The following SYT6 variants were observed in gnomAD, a reference collection of about 807,000 sequenced individuals.
SYT6 encodes synaptotagmin-6.
In SYT6, 24 loss-of-function variants were observed where a neutral mutation model predicts 38.4. The ratio of observed to expected loss-of-function variants is 0.62; its 90% CI spans 0.45 to 0.88. The LOEUF (loss-of-function observed/expected upper bound fraction) is 0.88, where lower values mean the gene tolerates loss of function less well. Among genes scored for constraint, SYT6 ranks in the 40% least tolerant of loss-of-function variants. The pLI, the probability that SYT6 is intolerant of heterozygous loss-of-function variation, is 0.00. For synonymous variants in SYT6, 265 were observed against 241.9 expected (o/e 1.10, Z -0.89); for missense variants, 611 against 621.0 (o/e 0.98, Z 0.17).
At chr1:114,110,837 C>G (rs56367671) in intron 3 of SYT6, among the ~76,000 whole-genome samples, 15,212 of 152,248 alleles carry the variant, frequency 0.1, 871 homozygotes, top group South Asian at 0.21. Context: ...CAGATCCTTG[C>G]AGTTTTCTAA....
At chr1:114,130,798 T>C (rs1678097767) in intron 3 of SYT6, among the ~76,000 whole-genome samples, 1 of 152,316 alleles carries the variant, frequency 6.6e-6, no homozygotes, top group East Asian at 1.9e-4. Context: ...AGATTCAATA[T>C]GCTTACCTCT....
intron 5 of SYT6, among the ~76,000 whole-genome samples, chr1:114,098,358 G>T (rs965429413): frequency 2.6e-5 from 4 of 152,238 alleles, no homozygotes; most frequent in African/African-American, 4.8e-5. Context: ...TGGGCTGAAA[G>T]TCCTGTATTG....
At chr1:114,139,387 A>G (rs1678709285) in intron 2 of SYT6, among the ~76,000 whole-genome samples, 1 of 151,970 alleles carries the variant, frequency 6.6e-6, no homozygotes, top group South Asian at 2.1e-4. Flanking sequence ...CCAAGTGCAA[A>G]CCACATATAC....
chr1:114,122,816 C>CT (rs1424573816), intron 3 of SYT6, among the ~76,000 whole-genome samples: 1 of 152,134 alleles, frequency 6.6e-6, no homozygotes, highest in Non-Finnish European at 1.5e-5. Flanking sequence ...CCCCTGGCCT[C>CT]TTTTTCTCCA....
intron 6 of SYT6, among the ~76,000 whole-genome samples, chr1:114,095,907 A>T (rs1675609757): frequency 6.6e-6 from 1 of 151,668 alleles, no homozygotes; most frequent in Admixed American, 6.6e-5. Context: ...TGATCCATCC[A>T]CCTCGGCCTC....
intron 6 of SYT6, among the ~76,000 whole-genome samples, chr1:114,095,504 C>T (rs1461955429): frequency 2.0e-5 from 3 of 152,264 alleles, no homozygotes; most frequent in South Asian, 4.1e-4. Context: ...TGGGTTATTG[C>T]GGATTGAAGA....
At chr1:114,128,025 G>T (rs567505285) in intron 3 of SYT6, among the ~76,000 whole-genome samples, 5 of 152,190 alleles carry the variant, frequency 3.3e-5, no homozygotes, top group Non-Finnish European at 7.4e-5. Flanking sequence ...GGCCACTGCT[G>T]GGCTCACTTG....
intron 3 of SYT6, among the ~76,000 whole-genome samples, chr1:114,115,605 C>T (rs534132843): frequency 2.6e-5 from 4 of 151,924 alleles, no homozygotes; most frequent in African/African-American, 9.7e-5. Flanking sequence ...TTGGTAGAGA[C>T]GGGGTTTTAT....
At chr1:114,093,126 T>C (rs191226960) in intron 7 of SYT6, among the ~76,000 whole-genome samples, 5 of 152,254 alleles carry the variant, frequency 3.3e-5, no homozygotes, top group African/African-American at 4.8e-5. Context: ...GCTGCTACTA[T>C]GCATCATGCA....
At chr1:114,133,710 C>G (rs143035313) in intron 3 of SYT6, among the ~76,000 whole-genome samples, 1 of 152,334 alleles carries the variant, frequency 6.6e-6, no homozygotes, top group South Asian at 2.1e-4. Context: ...ATGCAATGCA[C>G]GAGGCCTCCG....
chr1:114,114,768 T>C (rs1230175794), intron 3 of SYT6, among the ~76,000 whole-genome samples: 1 of 152,244 alleles, frequency 6.6e-6, no homozygotes, highest in Non-Finnish European at 1.5e-5. Context: ...TTAGAATCTC[T>C]GTGACATGGA....
At chr1:114,134,715 G>A (rs1415592857) in intron 3 of SYT6, among the ~76,000 whole-genome samples, 1 of 152,194 alleles carries the variant, frequency 6.6e-6, no homozygotes, top group Non-Finnish European at 1.5e-5. Context: ...AGGCAGAAAT[G>A]TCAGGTGTTT....
intron 6 of SYT6, among the ~76,000 whole-genome samples, chr1:114,095,362 T>C (rs1396964966): frequency 6.6e-6 from 1 of 152,222 alleles, no homozygotes; most frequent in African/African-American, 2.4e-5. Context: ...TTAGGTTATA[T>C]TCATCATGAA....
chr1:114,097,738 A>T lies in SYT6; in HGVS notation c.1504T>A (p.Ser502Thr). 1 of 1,614,102 alleles carries T rather than the reference A, an allele frequency of 6.2e-7. No homozygotes were observed. Among genetic ancestry groups the T allele is most frequent in the South Asian group, 1.1e-5 (1 of 91,084 alleles). The change falls in exon 6 of 8, where the codon TCC becomes ACC. Residue 502 changes from serine (S) to threonine (T), a missense_variant. By Grantham distance (58) the Ser-to-Thr change is moderately conservative. Coordinates refer to ENST00000610222, the MANE Select transcript of SYT6 (RefSeq NM_001253772.2). The part of the protein sequence containing the change: ...HWHSLVEVKK[S>T]FKEGNPRL The stretch of plus-strand genomic sequence containing the variant: ...GTGACCTCACCCACCTCTTTGAAGG[A>T]TTTCTTTACCTCCACCAAGGAGTGC...
intron 3 of SYT6, among the ~76,000 whole-genome samples, chr1:114,137,121 A>G (rs1360137537): frequency 6.6e-6 from 1 of 152,216 alleles, no homozygotes; most frequent in African/African-American, 2.4e-5. Context: ...TAAAGCCACA[A>G]AATCCTCGGA....
chr1:114,093,622 G>C (rs138650007), intron 7 of SYT6, 113 bp downstream of exon 7: 1 of 979,084 alleles, frequency 1.0e-6, no homozygotes, highest in African/African-American at 1.6e-5. Context: ...ACCCAACCAA[G>C]TGTTCTTTCC....
chr1:114,129,579 T>C (rs1677975867), intron 3 of SYT6, among the ~76,000 whole-genome samples: 2 of 102,170 alleles, frequency 2.0e-5, no homozygotes, highest in South Asian at 8.8e-4. Context: ...TTTCTTTCTT[T>C]CTTTCTTTCT....
chr1:114,134,761 A>G (rs1678377080), intron 3 of SYT6, among the ~76,000 whole-genome samples: 2 of 152,162 alleles, frequency 1.3e-5, no homozygotes, highest in South Asian at 4.1e-4. Context: ...TCAGGTCCAA[A>G]GGGCAGCTCT....
Position 114,147,061 on chromosome 1 carries a change from C to T in SYT6, c.163+6549G>A, listed in dbSNP as rs547767422. Among the ~76,000 whole-genome samples the T allele has an allele frequency of 1.7e-4, 26 of 152,304 alleles. No individual in the cohort carries two copies. The South Asian group carries it at 4.4e-3, about 26-fold the overall frequency. ...GGCAGAACACCTGAAAACCATTGAA[C>T]ATTAATCAACAGAGATAGCTTTAAC... On this transcript the variant is annotated intron_variant, in intron 1 of 7. Transcript: ENST00000610222.
Sources: gnomAD v4.1 joint callset for allele counts (sites outside exome capture counted in the v4.1 genomes callset) on GRCh38, gnomAD v4.1.1 for gene constraint, MANE v1.5 for transcripts, NCBI Gene and HGNC (gene_info 2026-07-23, HGNC 2026-07-21) for gene names.